Variants in DPP10 observed in about 807,000 individuals in gnomAD.
DPP10 encodes the protein inactive dipeptidyl peptidase 10.
A neutral mutation model predicts 120.9 loss-of-function variants in DPP10; 33 were observed. The ratio of observed to expected loss-of-function variants is 0.27; its 90% CI spans 0.21 to 0.37. The LOEUF is 0.37. DPP10 is among the 10% of genes least tolerant of loss of function. The pLI, the probability that DPP10 is intolerant of heterozygous loss-of-function variation, is 1.00. For missense variants in DPP10, 816 were observed against 942.8 expected, an observed-to-expected ratio of 0.87 and a Z score of 1.76; for synonymous variants, 337 against 326.1, an observed-to-expected ratio of 1.03 and a Z score of -0.36.
At chr2:115,264,877 G>C (rs1321023237) in intron 1 of DPP10, among the ~76,000 whole-genome samples, 1 of 152,070 alleles carries the variant, frequency 6.6e-6, no homozygotes, top group Admixed American at 6.6e-5. Context: ...CTATGTAATA[G>C]TACATGAAAG....
chr2:114,680,363 C>A (rs2105701653), intron 1 of DPP10, among the ~76,000 whole-genome samples: 1 of 152,034 alleles, frequency 6.6e-6, no homozygotes, highest in South Asian at 2.1e-4. Context: ...ATTATCTGAT[C>A]TTATAAGACT....
chr2:115,760,766 G>C (rs907719208), intron 11 of DPP10, among the ~76,000 whole-genome samples: 3 of 152,114 alleles, frequency 2.0e-5, no homozygotes, highest in African/African-American at 4.8e-5. Context: ...AAGTGTTCTG[G>C]ATGGTTTTTA....
chr2:114,663,668 T>TATATAGAGAGAGAGAGAGAGAGAGAGAG, intron 1 of DPP10, among the ~76,000 whole-genome samples: 8 of 80,702 alleles, frequency 9.9e-5, no homozygotes, highest in African/African-American at 6.6e-4. Context: ...TATATATATA[T>TATATAGAGAGAGAGAGAGAGAGAGAGAG]AGAGAGAGAG....
intron 1 of DPP10, among the ~76,000 whole-genome samples, chr2:114,476,622 T>G (rs1230082298): frequency 1.3e-5 from 2 of 152,206 alleles, no homozygotes; most frequent in African/African-American, 4.8e-5. Context: ...ATATAATCAT[T>G]GAATCATATG....
chr2:114,487,568 T>C (rs1681621579), intron 1 of DPP10, among the ~76,000 whole-genome samples: 1 of 152,204 alleles, frequency 6.6e-6, no homozygotes, highest in Non-Finnish European at 1.5e-5. Context: ...AATTGAACAA[T>C]TAAAAATGTT....
chr2:114,661,947 G>A (rs976289539), intron 1 of DPP10, among the ~76,000 whole-genome samples: 3 of 151,834 alleles, frequency 2.0e-5, no homozygotes, highest in Non-Finnish European at 4.4e-5. Context: ...TATGAACTTG[G>A]GCTCTCCGGG....
intron 1 of DPP10, among the ~76,000 whole-genome samples, chr2:114,795,755 T>A (rs1169920003): frequency 6.6e-6 from 1 of 152,196 alleles, no homozygotes; most frequent in Admixed American, 6.5e-5. Flanking sequence ...AAGTTAGGTA[T>A]GTCATGAATG....
chr2:115,167,466 G>T (rs934000248), intron 1 of DPP10, among the ~76,000 whole-genome samples: 14 of 152,018 alleles, frequency 9.2e-5, no homozygotes, highest in African/African-American at 3.4e-4. Context: ...AATTATCAGG[G>T]TTTAGTGACA....
intron 1 of DPP10, among the ~76,000 whole-genome samples, chr2:114,753,628 G>A (rs951302820): frequency 9.2e-5 from 14 of 151,958 alleles, no homozygotes; most frequent in African/African-American, 3.4e-4. Context: ...TATGAAAATG[G>A]GCTGGGCGCG....
intron 1 of DPP10, among the ~76,000 whole-genome samples, chr2:115,189,538 G>A (rs1016125538): frequency 1.3e-5 from 2 of 152,148 alleles, no homozygotes; most frequent in African/African-American, 4.8e-5. Context: ...TGAACATACT[G>A]ACATACTGAT....
At chr2:115,820,877 G>T (rs1398274636) in intron 21 of DPP10, among the ~76,000 whole-genome samples, 2 of 151,644 alleles carry the variant, frequency 1.3e-5, no homozygotes, top group Non-Finnish European at 2.9e-5. Context: ...TGATGGGCAT[G>T]TGGGCTGCTT....
intron 1 of DPP10, among the ~76,000 whole-genome samples, chr2:114,653,541 G>A (rs532310306): frequency 2.2e-4 from 34 of 152,288 alleles, no homozygotes; most frequent in Middle Eastern, 3.4e-3. Flanking sequence ...GTGGGGCACA[G>A]AAAAAGAAAA....
chr2:115,787,210 G>A (rs1683444897), intron 17 of DPP10, among the ~76,000 whole-genome samples: 1 of 152,014 alleles, frequency 6.6e-6, no homozygotes, highest in Non-Finnish European at 1.5e-5. Context: ...CACAATGGTT[G>A]GTATCTAATA....
At chr2:115,085,772 T>A (rs1708642956) in intron 1 of DPP10, among the ~76,000 whole-genome samples, 1 of 152,232 alleles carries the variant, frequency 6.6e-6, no homozygotes, top group African/African-American at 2.4e-5. Flanking sequence ...AATATGTTTA[T>A]GCTAAAATAT....
At chr2:114,662,256 G>A (rs1303806578) in intron 1 of DPP10, among the ~76,000 whole-genome samples, 1 of 152,202 alleles carries the variant, frequency 6.6e-6, no homozygotes, top group Non-Finnish European at 1.5e-5. Context: ...ACACGCAACC[G>A]TGGGAAGAAA....
intron 1 of DPP10, among the ~76,000 whole-genome samples, chr2:114,951,352 A>G (rs769412437): frequency 3.9e-5 from 6 of 152,224 alleles, no homozygotes; most frequent in Non-Finnish European, 8.8e-5. Context: ...AATTTATAAT[A>G]TGAATATGAT....
intron 4 of DPP10, among the ~76,000 whole-genome samples, chr2:115,516,914 G>A (rs1308478784): frequency 3.3e-5 from 5 of 152,066 alleles, no homozygotes; most frequent in African/African-American, 1.2e-4. Flanking sequence ...TTATCAACAA[G>A]AAGATAGTAT....
intron 1 of DPP10, among the ~76,000 whole-genome samples, chr2:115,193,546 T>G (rs2055032740): frequency 6.6e-6 from 1 of 152,222 alleles, no homozygotes; most frequent in Non-Finnish European, 1.5e-5. Flanking sequence ...GTGAAGATTA[T>G]TTATACGTGG....
intron 5 of DPP10, among the ~76,000 whole-genome samples, chr2:115,581,109 TGAGTTTCGTCTTTTA>T (rs1409353924): frequency 6.6e-6 from 1 of 152,110 alleles, no homozygotes; most frequent in Non-Finnish European, 1.5e-5. Context: ...GGAACATAAT[TGAGTTTCGTCTTTTA>T]GAGTTTTACA....
Sources: allele counts gnomAD v4.1 joint callset (sites outside exome capture counted in the v4.1 genomes callset), GRCh38; gene constraint gnomAD v4.1.1; transcripts MANE v1.5; gene names NCBI Gene and HGNC (gene_info 2026-07-23, HGNC 2026-07-21).